Variants in SLC12A6 observed in about 807,000 individuals in gnomAD.
The protein encoded by SLC12A6 is K-Cl cotransporter 3.
A neutral mutation model predicts 135.3 loss-of-function variants in SLC12A6; 66 were observed. The observed-to-expected ratio is 0.49, with a 90% CI of 0.40 to 0.60. The LOEUF is 0.60. Among genes scored for constraint, SLC12A6 ranks in the 20% least tolerant of loss-of-function variants. SLC12A6 has a pLI of 0.00. For synonymous variants in SLC12A6, 513 were observed against 508.8 expected (o/e 1.01, Z -0.11); for missense variants, 1,058 against 1,452.3 (o/e 0.73, Z 4.41).
intron 10 of SLC12A6, among the ~76,000 whole-genome samples, chr15:34,251,948 G>A (rs1892420167): frequency 6.6e-6 from 1 of 152,094 alleles, no homozygotes; most frequent in Non-Finnish European, 1.5e-5. Flanking sequence ...CTGAAATGGA[G>A]GTGAATTTTA....
intron 6 of SLC12A6, among the ~76,000 whole-genome samples, chr15:34,256,486 C>A (rs924982264): frequency 4.6e-5 from 7 of 152,180 alleles, no homozygotes; most frequent in African/African-American, 1.7e-4. Context: ...AGGATTCTGT[C>A]AAAATGCTCC....
At chr15:34,300,683 C>G (rs190962521) in intron 2 of SLC12A6, among the ~76,000 whole-genome samples, 13 of 151,148 alleles carry the variant, frequency 8.6e-5, no homozygotes, top group Non-Finnish European at 1.6e-4. Flanking sequence ...GTCCCAGCTA[C>G]TTGGGAGGCT....
intron 2 of SLC12A6, among the ~76,000 whole-genome samples, chr15:34,285,943 G>C (rs933274865): frequency 6.6e-6 from 1 of 151,934 alleles, no homozygotes; most frequent in African/African-American, 2.4e-5. Flanking sequence ...AAAATGGAGA[G>C]TTGTTCATTG....
At chr15:34,288,658 C>G (rs931936096) in intron 2 of SLC12A6, among the ~76,000 whole-genome samples, 5 of 152,064 alleles carry the variant, frequency 3.3e-5, no homozygotes, top group Admixed American at 1.3e-4. Context: ...CTCTTATTTC[C>G]TTGGGCAGTG....
chr15:34,267,044 G>C (rs1439418054), intron 3 of SLC12A6, among the ~76,000 whole-genome samples: 1 of 151,642 alleles, frequency 6.6e-6, no homozygotes, highest in Non-Finnish European at 1.5e-5. Context: ...TTCCCCTCTA[G>C]TTTCCATTCT....
At chr15:34,279,991 T>G (rs1894566797) in intron 2 of SLC12A6, among the ~76,000 whole-genome samples, 1 of 152,224 alleles carries the variant, frequency 6.6e-6, no homozygotes, top group Non-Finnish European at 1.5e-5. Flanking sequence ...GATTTTAGTT[T>G]CCTGCCATGC....
At chr15:34,242,487 A>G (rs1011379729) in intron 16 of SLC12A6, among the ~76,000 whole-genome samples, 2 of 152,168 alleles carry the variant, frequency 1.3e-5, no homozygotes, top group South Asian at 2.1e-4. Flanking sequence ...AACAGTCGGT[A>G]GATGTGCACT....
At chr15:34,323,069 A>G (rs1259900743) in intron 2 of SLC12A6, among the ~76,000 whole-genome samples, 2 of 151,850 alleles carry the variant, frequency 1.3e-5, no homozygotes, top group Non-Finnish European at 1.5e-5. Flanking sequence ...AATGGACACC[A>G]TTATGAAAAT....
chr15:34,324,286 T>A (rs1273505309), intron 2 of SLC12A6, among the ~76,000 whole-genome samples: 1 of 152,210 alleles, frequency 6.6e-6, no homozygotes, highest in African/African-American at 2.4e-5. Flanking sequence ...TATTTACATT[T>A]GTATACTTTA....
chr15:34,311,955 T>C (rs111930440), intron 2 of SLC12A6, among the ~76,000 whole-genome samples: 6 of 152,370 alleles, frequency 3.9e-5, no homozygotes, highest in African/African-American at 1.4e-4. Flanking sequence ...TTCTATCATC[T>C]GTTATCCAAA....
intron 2 of SLC12A6, among the ~76,000 whole-genome samples, chr15:34,314,391 G>A (rs949900802): frequency 3.9e-5 from 6 of 151,942 alleles, no homozygotes; most frequent in African/African-American, 1.5e-4. Flanking sequence ...CTACTGCCCA[G>A]GAAAAAAAGA....
At chr15:34,333,407 T>A (rs1488399826) in intron 2 of SLC12A6, among the ~76,000 whole-genome samples, 2 of 151,952 alleles carry the variant, frequency 1.3e-5, no homozygotes, top group Non-Finnish European at 2.9e-5. Flanking sequence ...TTTTTTGTAT[T>A]TTTAGTAGAG....
intron 2 of SLC12A6, among the ~76,000 whole-genome samples, chr15:34,305,224 T>A (rs958455385): frequency 1.3e-5 from 2 of 152,138 alleles, no homozygotes; most frequent in Non-Finnish European, 2.9e-5. Flanking sequence ...TCATCACTGA[T>A]CTCCCCCAGA....
chr15:34,284,800 G>A (rs1271235517), intron 2 of SLC12A6, among the ~76,000 whole-genome samples: 6 of 152,188 alleles, frequency 3.9e-5, no homozygotes, highest in Admixed American at 3.9e-4. Flanking sequence ...GAGGACTAGT[G>A]GGAGAGTGGT....
intron 2 of SLC12A6, among the ~76,000 whole-genome samples, chr15:34,327,150 T>C (rs910920802): frequency 1.3e-5 from 2 of 151,962 alleles, no homozygotes; most frequent in Non-Finnish European, 2.9e-5. Context: ...AATGACTTTT[T>C]AAAAAATGAA....
At chr15:34,279,356 CAAA>C (rs1293943061) in intron 2 of SLC12A6, among the ~76,000 whole-genome samples, 1 of 151,702 alleles carries the variant, frequency 6.6e-6, no homozygotes, top group Non-Finnish European at 1.5e-5. Context: ...ACAAAAAAAA[CAAA>C]GAACTAAAAT....
intron 2 of SLC12A6, among the ~76,000 whole-genome samples, chr15:34,324,508 A>G (rs997611562): frequency 3.3e-5 from 5 of 152,168 alleles, no homozygotes; most frequent in Admixed American, 6.5e-5. Context: ...CTTCAGAGGA[A>G]TGGGTCTATT....
At position 34,241,213 on chromosome 15, in the gene SLC12A6, G is replaced by C. The variant is rs1329346357; in HGVS notation, c.2267+20C>G. The C allele has an allele frequency of 8.3e-7, 1 of 1,205,962 alleles. No individual in the cohort carries two copies. The highest frequency in any genetic ancestry group is 1.5e-5 in the African/African-American group (1 of 66,930). The allele number at this position is 1,205,962 out of a possible 1,614,324, so 74.7% of individuals were successfully genotyped here. A position where few individuals can be genotyped will look rare whatever the true frequency, so the allele number is the denominator to read the frequency against. The stretch of plus-strand genomic sequence containing the variant: ...GTGTGTTAACCATGTGCCAAATACT[G>C]CTAGTGTTGATTTCTTTACCTCCAG... On this transcript the variant is annotated intron_variant, in intron 18 of 25. Transcript: ENST00000354181.
chr15:34,259,429 C>T (rs111444521), intron 4 of SLC12A6, among the ~76,000 whole-genome samples: 1,835 of 151,828 alleles, frequency 0.012, 14 homozygotes, highest in Middle Eastern at 0.038. Context: ...GCAGAAGGAT[C>T]GCTTGAGCCC....
Sources: allele counts gnomAD v4.1 joint callset (sites outside exome capture counted in the v4.1 genomes callset), GRCh38; gene constraint gnomAD v4.1.1; transcripts MANE v1.5; gene names NCBI Gene and HGNC (gene_info 2026-07-23, HGNC 2026-07-21).